The following AIMP2 variants were observed in gnomAD, a reference collection of about 807,000 sequenced individuals.
AIMP2 encodes aminoacyl tRNA synthetase complex interacting multifunctional protein 2.
AIMP2 carries 20 observed loss-of-function variants against 23.4 expected under a neutral mutation model. The ratio of observed to expected loss-of-function variants is 0.85; its 90% CI spans 0.60 to 1.24. The LOEUF is 1.24. Among genes scored for constraint, AIMP2 ranks in the 50% most tolerant of loss-of-function variants. The pLI is 0.00. For missense variants in AIMP2, 515 were observed against 414.5 expected (o/e 1.24, Z -2.10); for synonymous variants, 210 against 170.4 (o/e 1.23, Z -1.81).
At chr7:6,014,616 G>T (rs900219082) in intron 1 of AIMP2, among the ~76,000 whole-genome samples, 2 of 152,190 alleles carry the variant, frequency 1.3e-5, no homozygotes, top group Non-Finnish European at 2.9e-5. Flanking sequence ...TGGGGAAAAT[G>T]AGATGTTTCT....
Position 6,009,307 on chromosome 7 carries a change from A to T in AIMP2, c.-57A>T, listed in dbSNP as rs2128868707. The T allele has an allele frequency of 6.2e-7, 1 of 1,610,982 alleles. No homozygotes were observed. Among genetic ancestry groups the T allele is most frequent in the Non-Finnish European group, 8.5e-7 (1 of 1,179,726 alleles). On this transcript the variant is annotated 5_prime_UTR_variant, in exon 1 of 4. Transcript: ENST00000223029. Reference sequence around the variant, plus strand: ...TGGCCGGTCTCCGTCGTGACCTCTGACGGTTTCTGAGCGTTGGCCTTTGGC... The same window carrying T: ...TGGCCGGTCTCCGTCGTGACCTCTGTCGGTTTCTGAGCGTTGGCCTTTGGC...
At chr7:6,014,207 C>A (rs1434209152) in intron 1 of AIMP2, among the ~76,000 whole-genome samples, 1 of 144,136 alleles carries the variant, frequency 6.9e-6, no homozygotes, top group Non-Finnish European at 1.5e-5. Flanking sequence ...AGGAACCATA[C>A]AATTTCAGAG....
At chr7:6,016,943 C>G (rs1452804785) in intron 2 of AIMP2, 8 of 160,500 alleles carry the variant, frequency 5.0e-5, no homozygotes, top group Admixed American at 2.5e-4. Flanking sequence ...CCAGAGCAAA[C>G]TGTGGCCCCG....
At chr7:6,011,130 A>G (rs376285421) in intron 1 of AIMP2, among the ~76,000 whole-genome samples, 4 of 152,154 alleles carry the variant, frequency 2.6e-5, no homozygotes, top group Admixed American at 2.6e-4. Flanking sequence ...TTAACTTGCT[A>G]TGAACAGTCC....
At chr7:6,014,651 CCTTTTT>C (rs1037040076) in intron 1 of AIMP2, among the ~76,000 whole-genome samples, 3 of 152,048 alleles carry the variant, frequency 2.0e-5, no homozygotes, top group African/African-American at 7.2e-5. Flanking sequence ...ATGTCTTTTT[CCTTTTT>C]GTTTCTTTAC....
At chr7:6,015,114 G>A (rs1251345726) in intron 1 of AIMP2, 32 bp from the exon 2 acceptor site, 2 of 1,613,704 alleles carry the variant, frequency 1.2e-6, no homozygotes, top group East Asian at 2.2e-5. Context: ...TGATGGGAGA[G>A]GAAATGAACA....
intron 1 of AIMP2, among the ~76,000 whole-genome samples, chr7:6,011,144 A>G (rs1405720339): frequency 1.3e-5 from 2 of 152,192 alleles, no homozygotes; most frequent in Non-Finnish European, 2.9e-5. Flanking sequence ...ACAGTCCTGC[A>G]GTGAATACTC....
At chr7:6,010,569 C>T (rs977720973) in intron 1 of AIMP2, among the ~76,000 whole-genome samples, 1 of 151,976 alleles carries the variant, frequency 6.6e-6, no homozygotes, top group African/African-American at 2.4e-5. Context: ...CTGCCTCAGC[C>T]TCCTGAGTAG....
intron 1 of AIMP2, among the ~76,000 whole-genome samples, chr7:6,011,051 C>T (rs1450545122): frequency 6.6e-6 from 1 of 152,144 alleles, no homozygotes; most frequent in African/African-American, 2.4e-5. Context: ...CTATACCGTT[C>T]TATTGCATGA....
intron 3 of AIMP2, among the ~76,000 whole-genome samples, chr7:6,021,365 C>T (rs954298336): frequency 1.4e-5 from 2 of 145,190 alleles, no homozygotes; most frequent in Non-Finnish European, 3.0e-5. Flanking sequence ...AAAAAGAGAA[C>T]CCTGATTAGA....
rs1186169195 is a variant in AIMP2 at position 6,023,388 on chromosome 7, G to A, written c.660G>A (p.Leu220=). The A allele has an allele frequency of 1.2e-6, 2 of 1,614,158 alleles. No homozygotes were observed. The highest frequency in any genetic ancestry group is 1.3e-5 in the African/African-American group (1 of 75,046). ...ACATTGCACGTTTCTTGTTCTCTCT[G>A]TTTGGCCAGAAGCATAATGCTGTCA... ...EGNIARFLFS[L]FGQKHNAVNA... is the part of the protein sequence containing the mutation. The change falls in exon 4 of 4, where the codon CTG becomes CTA. Residue 220 remains leucine (L), a synonymous_variant. Transcript: ENST00000223029.
chr7:6,019,627 G>T (rs1018837523), intron 3 of AIMP2, among the ~76,000 whole-genome samples: 6 of 152,100 alleles, frequency 3.9e-5, no homozygotes, highest in African/African-American at 1.4e-4. Flanking sequence ...GCAGAGAAAA[G>T]TCATGAGATT....
At chr7:6,010,875 C>G (rs1325007958) in intron 1 of AIMP2, among the ~76,000 whole-genome samples, 1 of 151,560 alleles carries the variant, frequency 6.6e-6, no homozygotes, top group Non-Finnish European at 1.5e-5. Context: ...TATGGAGACC[C>G]AAGGTGGTCT....
chr7:6,012,264 AAAG>A (rs1186059942), intron 1 of AIMP2, among the ~76,000 whole-genome samples: 2 of 149,978 alleles, frequency 1.3e-5, no homozygotes, highest in Admixed American at 6.7e-5. Flanking sequence ...AAAAAAAAAA[AAAG>A]AAAAAAAGCA....
chr7:6,021,720 G>T (rs765265908), intron 3 of AIMP2, among the ~76,000 whole-genome samples: 2 of 152,150 alleles, frequency 1.3e-5, no homozygotes, highest in East Asian at 3.9e-4. Flanking sequence ...CTGGAAAACA[G>T]ATTTCCATTA....
Position 6,023,284 on chromosome 7 carries a change from G to A in AIMP2, c.575-19G>A. ...AGGGCTGCTCTGGTGATGCTACCTG[G>A]CGTGTTTTTTCTTTTCAGTGCCGAA... On this transcript the variant is annotated intron_variant, in intron 3 of 3. Transcript: ENST00000223029. 1 of 1,570,736 alleles carries A rather than the reference G, an allele frequency of 6.4e-7. No homozygotes were observed.
At chr7:6,017,346 T>A (rs1484903044) in intron 2 of AIMP2, among the ~76,000 whole-genome samples, 2 of 150,342 alleles carry the variant, frequency 1.3e-5, no homozygotes, top group African/African-American at 4.9e-5. Context: ...CAAAACCCCA[T>A]CTCTACTAAA....
intron 3 of AIMP2, 23 bp downstream of exon 3, chr7:6,018,068 A>C (rs1178351709): frequency 1.3e-6 from 2 of 1,580,422 alleles, no homozygotes; most frequent in African/African-American, 1.3e-5. Flanking sequence ...GACTGAGTTC[A>C]ACTTACACAC....
chr7:6,020,336 G>A (rs1018647684), intron 3 of AIMP2, among the ~76,000 whole-genome samples: 4 of 151,908 alleles, frequency 2.6e-5, no homozygotes, highest in Non-Finnish European at 5.9e-5. Context: ...CAGGAGAATC[G>A]CTTGAACCCA....
Sources: allele counts gnomAD v4.1 joint callset (sites outside exome capture counted in the v4.1 genomes callset), GRCh38; gene constraint gnomAD v4.1.1; transcripts MANE v1.5; gene names NCBI Gene and HGNC (gene_info 2026-07-23, HGNC 2026-07-21).